The following ARPP19 variants were observed in gnomAD, a reference collection of about 807,000 sequenced individuals.
ARPP19 encodes the protein cAMP regulated phosphoprotein 19, also known as cAMP-regulated phosphoprotein 19.
Under a neutral mutation model 12.0 loss-of-function variants are expected in ARPP19, and 8 were observed. That is an observed-to-expected ratio of 0.67 (90% CI 0.39 to 1.21). ARPP19 has a LOEUF of 1.21. ARPP19 is among the 50% of genes most tolerant of loss of function. The probability of loss-of-function intolerance (pLI) is 0.01; values close to 1 mark genes in which losing one functional copy is unlikely to be tolerated. For synonymous variants in ARPP19, 47 were observed against 50.4 expected (o/e 0.93, Z 0.29); for missense variants, 102 against 136.3 (o/e 0.75, Z 1.25).
upstream of ARPP19, chr15:52,569,169 A>G (rs2078118472): frequency 6.6e-6 from 3 of 454,002 alleles, no homozygotes; most frequent in Non-Finnish European, 1.2e-5. Context: ...TTTTCCTTCA[A>G]AGGTCGCCGC....
At chr15:52,569,191 C>T, upstream of ARPP19, 1 of 431,216 alleles carries the variant, frequency 2.3e-6, no homozygotes, top group Non-Finnish European at 4.1e-6. Context: ...CCTGCCTCAC[C>T]TCACATCCGT....
At chr15:52,558,019 G>A (rs1487244405) in intron 1 of ARPP19, among the ~76,000 whole-genome samples, 1 of 152,180 alleles carries the variant, frequency 6.6e-6, no homozygotes. Context: ...TCAAAAACCT[G>A]TTTCCTGACA....
intron 1 of ARPP19, among the ~76,000 whole-genome samples, chr15:52,560,744 G>A (rs922746999): frequency 6.6e-5 from 10 of 152,178 alleles, no homozygotes; most frequent in African/African-American, 2.4e-4. Flanking sequence ...TTCTGTCAAC[G>A]GCATCTATGC....
rs909953948 is a variant in ARPP19 at position 52,547,226 on chromosome 15, A to G, written c.*4708T>C. ...TACCACTTTAATAAGACAAAACTGCAAATTAAATCAATAGAAATTAGGTAG... is the reference window on the plus strand; with the variant it reads ...TACCACTTTAATAAGACAAAACTGCGAATTAAATCAATAGAAATTAGGTAG... On this transcript the variant is annotated 3_prime_UTR_variant, in exon 3 of 3. Coordinates refer to ENST00000249822, the MANE Select transcript of ARPP19 (RefSeq NM_006628.6). The G allele has an allele frequency of 6.6e-6, 1 of 152,242 alleles. No homozygotes were observed. The highest frequency in any genetic ancestry group is 1.5e-5 in the Non-Finnish European group (1 of 68,046). The allele number at this position is 152,242 out of a possible 1,614,324, so 9.4% of individuals were successfully genotyped here.
At chr15:52,562,762 A>C (rs554059298) in intron 1 of ARPP19, among the ~76,000 whole-genome samples, 5 of 152,152 alleles carry the variant, frequency 3.3e-5, no homozygotes, top group African/African-American at 4.8e-5. Context: ...AAGTTAGACA[A>C]AGAAAGGAGC....
chr15:52,562,672 G>A (rs2078045222), intron 1 of ARPP19, among the ~76,000 whole-genome samples: 1 of 151,872 alleles, frequency 6.6e-6, no homozygotes, highest in African/African-American at 2.4e-5. Context: ...ACCAAAACTT[G>A]TCAGGTATAG....
intron 2 of ARPP19, among the ~76,000 whole-genome samples, chr15:52,555,555 G>A (rs2077974167): frequency 6.6e-6 from 1 of 151,858 alleles, no homozygotes. Context: ...GAATAGTGGT[G>A]CTGCTACTAA....
intron 1 of ARPP19, among the ~76,000 whole-genome samples, chr15:52,559,815 G>C (rs2078015595): frequency 6.6e-6 from 1 of 152,158 alleles, no homozygotes; most frequent in Non-Finnish European, 1.5e-5. Flanking sequence ...GTGGATGTGG[G>C]AGGAGAGGCC....
At position 52,560,138 on chromosome 15, in the gene ARPP19, G is replaced by A. The variant is rs533952343; in HGVS notation, c.46-2916C>T. Among the ~76,000 whole-genome samples the A allele has an allele frequency of 2.6e-5, 4 of 152,100 alleles. No individual in the cohort carries two copies. The East Asian group carries it at 7.7e-4, about 29-fold the overall frequency. ...GGTTTCCTCCATTTGATATATAAAGGAAAATACCTTGTACACAATCCGGGC... is the reference window on the plus strand; with the variant it reads ...GGTTTCCTCCATTTGATATATAAAGAAAAATACCTTGTACACAATCCGGGC... On this transcript the variant is annotated intron_variant, in intron 1 of 2. Transcript: ENST00000249822.
rs898082587 is a variant in ARPP19 at position 52,569,005 on chromosome 15, C to T, written c.-113G>A. On this transcript the variant is annotated 5_prime_UTR_variant, in exon 1 of 3. Coordinates refer to ENST00000249822, the MANE Select transcript of ARPP19 (RefSeq NM_006628.6). ...CAGGGCCCGCCGGGCCGCCTCCGCC[C>T]GCGAAAATGGCCGCCGCCTTATGAC... The T allele has an allele frequency of 2.1e-5, 16 of 747,862 alleles. No individual in the cohort carries two copies. The African/African-American group carries it at 2.7e-4, about 13-fold the overall frequency. The allele number at this position is 747,862 out of a possible 1,614,324, so 46.3% of individuals were successfully genotyped here.
intron 2 of ARPP19, among the ~76,000 whole-genome samples, chr15:52,556,454 A>C (rs1340279883): frequency 6.6e-6 from 1 of 152,164 alleles, no homozygotes; most frequent in African/African-American, 2.4e-5. Flanking sequence ...CTACCTCGCA[A>C]AACATGGCAA....
intron 1 of ARPP19, among the ~76,000 whole-genome samples, chr15:52,567,429 AC>A (rs1158277487): frequency 6.6e-6 from 1 of 152,224 alleles, no homozygotes; most frequent in African/African-American, 2.4e-5. Flanking sequence ...ACTACTGTGC[AC>A]CAGAAGTTAA....
intron 2 of ARPP19, among the ~76,000 whole-genome samples, chr15:52,556,494 G>C (rs1008896155): frequency 1.3e-5 from 2 of 152,078 alleles, no homozygotes; most frequent in Admixed American, 1.3e-4. Flanking sequence ...TCAGTAATTT[G>C]AACTATGAAA....
chr15:52,568,000 C>A (rs1292675380), intron 1 of ARPP19, among the ~76,000 whole-genome samples: 1 of 152,156 alleles, frequency 6.6e-6, no homozygotes, highest in Non-Finnish European at 1.5e-5. Context: ...CCTAGGAGGG[C>A]AGGGCGGTGG....
rs2077894869 is a variant in ARPP19, at chr15:52,548,147, C to G, written c.*3787G>C. Reference sequence around the variant, plus strand: ...TTTGTTACCTGAGGCAACCTTGGTCCAAAAATATTATGTGGAAAATTCCAG... The same window carrying G: ...TTTGTTACCTGAGGCAACCTTGGTCGAAAAATATTATGTGGAAAATTCCAG... On this transcript the variant is annotated 3_prime_UTR_variant, in exon 3 of 3. Coordinates refer to ENST00000249822, the MANE Select transcript of ARPP19 (RefSeq NM_006628.6). The G allele has an allele frequency of 6.6e-6, 1 of 152,126 alleles. No individual in the cohort carries two copies. Among genetic ancestry groups the G allele is most frequent in the African/African-American group, 2.4e-5 (1 of 41,430 alleles). The allele number at this position is 152,126 out of a possible 1,614,324, so 9.4% of individuals were successfully genotyped here.
At chr15:52,555,780 ATTATT>A (rs1396110964) in intron 2 of ARPP19, among the ~76,000 whole-genome samples, 4 of 152,040 alleles carry the variant, frequency 2.6e-5, no homozygotes, top group African/African-American at 7.2e-5. Flanking sequence ...AGCAATAGGT[ATTATT>A]TTAAACATTT....
chr15:52,564,277 G>A lies in ARPP19; in HGVS notation c.45+4571C>T, dbSNP rs570841166. Reference sequence around the variant, plus strand: ...TAGAAATAGAAAACATGGATGAGGCGGTTGCTCACACCTGCAGTCCCAGCT... The same window carrying A: ...TAGAAATAGAAAACATGGATGAGGCAGTTGCTCACACCTGCAGTCCCAGCT... On this transcript the variant is annotated intron_variant, in intron 1 of 2. Transcript: ENST00000249822. The A allele has an allele frequency of 5.0e-5, 75 of 1,504,336 alleles. No homozygotes were observed. In the South Asian group the frequency reaches 6.0e-4, roughly 12 times the overall value. The allele number at this position is 1,504,336 out of a possible 1,614,324, so 93.2% of individuals were successfully genotyped here.
chr15:52,564,769 C>T (rs1486092055), intron 1 of ARPP19, among the ~76,000 whole-genome samples: 1 of 151,990 alleles, frequency 6.6e-6, no homozygotes, highest in Non-Finnish European at 1.5e-5. Flanking sequence ...AATATATACA[C>T]ACATCACTGT....
At chr15:52,561,861 C>T (rs928995505) in intron 1 of ARPP19, among the ~76,000 whole-genome samples, 2 of 149,418 alleles carry the variant, frequency 1.3e-5, no homozygotes, top group African/African-American at 2.5e-5. Context: ...AGTAAAAAGA[C>T]TGAGGGTGGG....
Sources: allele counts gnomAD v4.1 joint callset (sites outside exome capture counted in the v4.1 genomes callset), GRCh38; gene constraint gnomAD v4.1.1; transcripts MANE v1.5; gene names NCBI Gene and HGNC (gene_info 2026-07-23, HGNC 2026-07-21).